NDST4: variants seen among roughly 807,000 people sequenced by gnomAD.
NDST4 encodes the protein N-heparan sulfate sulfotransferase 4.
Under a neutral mutation model 100.8 loss-of-function variants are expected in NDST4, and 63 were observed. The observed-to-expected ratio is 0.62, with a 90% CI of 0.51 to 0.77. The LOEUF (loss-of-function observed/expected upper bound fraction) is 0.77, where lower values mean the gene tolerates loss of function less well. Among genes scored for constraint, NDST4 ranks in the 30% least tolerant of loss-of-function variants. The probability of loss-of-function intolerance (pLI) is 0.00; values close to 1 mark genes in which losing one functional copy is unlikely to be tolerated. For missense variants in NDST4, 943 were observed against 1,018.4 expected, an observed-to-expected ratio of 0.93 and a Z score of 1.01; for synonymous variants, 377 against 361.8, an observed-to-expected ratio of 1.04 and a Z score of -0.48.
At chr4:114,980,049 A>G (rs186837523) in intron 2 of NDST4, among the ~76,000 whole-genome samples, 10 of 152,314 alleles carry the variant, frequency 6.6e-5, no homozygotes, top group Admixed American at 2.6e-4. Context: ...GTGCTAAACC[A>G]TACAAATTCA....
At chr4:114,988,719 A>G (rs1330547569) in intron 2 of NDST4, among the ~76,000 whole-genome samples, 3 of 152,114 alleles carry the variant, frequency 2.0e-5, no homozygotes, top group Non-Finnish European at 4.4e-5. Flanking sequence ...ATATCAAATT[A>G]TGAGTCAGTT....
chr4:114,834,846 A>T (rs913290590), intron 11 of NDST4, among the ~76,000 whole-genome samples: 1 of 152,168 alleles, frequency 6.6e-6, no homozygotes, highest in African/African-American at 2.4e-5. Context: ...GGGAAGGTGT[A>T]TGTGTCCAGT....
chr4:114,916,434 G>T (rs71606731), intron 6 of NDST4, among the ~76,000 whole-genome samples: 87 of 151,716 alleles, frequency 5.7e-4, no homozygotes, highest in Non-Finnish European at 9.1e-4. Flanking sequence ...CAGCTTAGTA[G>T]CTCACTAGCT....
intron 7 of NDST4, among the ~76,000 whole-genome samples, chr4:114,859,435 T>C (rs1464285161): frequency 1.3e-5 from 2 of 152,150 alleles, no homozygotes; most frequent in Non-Finnish European, 2.9e-5. Context: ...GTTTATAGAA[T>C]CATGAGAAAA....
intron 6 of NDST4, among the ~76,000 whole-genome samples, chr4:114,924,863 A>C (rs1277975062): frequency 6.6e-6 from 1 of 152,166 alleles, no homozygotes; most frequent in Non-Finnish European, 1.5e-5. Context: ...AGCACAAAGA[A>C]AAGACAAGTA....
chr4:115,040,977 C>T (rs1281750280), intron 2 of NDST4, among the ~76,000 whole-genome samples: 4 of 151,986 alleles, frequency 2.6e-5, no homozygotes, highest in African/African-American at 9.7e-5. Context: ...GTAAAAAGAA[C>T]TACGTTTCTT....
intron 2 of NDST4, among the ~76,000 whole-genome samples, chr4:115,025,494 G>T (rs547409518): frequency 6.6e-6 from 1 of 152,202 alleles, no homozygotes; most frequent in East Asian, 1.9e-4. Context: ...TAAAATTGAG[G>T]AAGATTATTG....
At chr4:114,869,571 C>G (rs76341971) in intron 7 of NDST4, among the ~76,000 whole-genome samples, 2,020 of 152,046 alleles carry the variant, frequency 0.013, 46 homozygotes, top group African/African-American at 0.046. Context: ...ATCTATTTAC[C>G]TGTCTTTCTA....
At chr4:114,856,747 CA>C (rs1266428573) in intron 7 of NDST4, among the ~76,000 whole-genome samples, 1 of 152,122 alleles carries the variant, frequency 6.6e-6, no homozygotes, top group Non-Finnish European at 1.5e-5. Flanking sequence ...TTGGACCTGA[CA>C]AATAAGTGGA....
intron 2 of NDST4, among the ~76,000 whole-genome samples, chr4:114,982,991 C>G (rs1000513423): frequency 6.6e-6 from 1 of 152,142 alleles, no homozygotes; most frequent in African/African-American, 2.4e-5. Flanking sequence ...TTGGTGGCTT[C>G]CATGTGGTGT....
At chr4:114,854,787 T>A (rs1369861071) in intron 7 of NDST4, among the ~76,000 whole-genome samples, 1 of 152,214 alleles carries the variant, frequency 6.6e-6, no homozygotes, top group African/African-American at 2.4e-5. Flanking sequence ...AGAATATTTT[T>A]AATATTCATG....
chr4:115,018,525 G>A (rs1295248386), intron 2 of NDST4, among the ~76,000 whole-genome samples: 1 of 151,732 alleles, frequency 6.6e-6, no homozygotes, highest in Non-Finnish European at 1.5e-5. Context: ...AAAAATGATG[G>A]AAATCAATTA....
At chr4:115,073,031 C>T (rs1165976536) in intron 2 of NDST4, among the ~76,000 whole-genome samples, 3 of 151,904 alleles carry the variant, frequency 2.0e-5, no homozygotes, top group Non-Finnish European at 2.9e-5. Context: ...ATAAACATTT[C>T]TCAAAAGAAA....
At chr4:114,926,811 T>C (rs1725395718) in intron 6 of NDST4, among the ~76,000 whole-genome samples, 1 of 152,154 alleles carries the variant, frequency 6.6e-6, no homozygotes, top group Admixed American at 6.5e-5. Context: ...GTTTCCTTCC[T>C]TTAGGCAGAT....
chr4:114,946,961 G>A (rs1343446857), intron 4 of NDST4, among the ~76,000 whole-genome samples: 1 of 151,812 alleles, frequency 6.6e-6, no homozygotes, highest in Non-Finnish European at 1.5e-5. Context: ...GTATGTGAAA[G>A]GTTTTTTTTT....
chr4:115,080,524 A>C (rs1729279037), intron 1 of NDST4, among the ~76,000 whole-genome samples: 1 of 152,200 alleles, frequency 6.6e-6, no homozygotes, highest in African/African-American at 2.4e-5. Context: ...ATTGCATTTT[A>C]CTAAAAAGAA....
chr4:114,870,168 A>G (rs147220120), intron 7 of NDST4, among the ~76,000 whole-genome samples: 38 of 152,268 alleles, frequency 2.5e-4, no homozygotes, highest in African/African-American at 8.9e-4. Flanking sequence ...ATCCAGGCTA[A>G]GTGGCCCCAC....
At chr4:115,112,212 A>C (rs935824448) in intron 1 of NDST4, among the ~76,000 whole-genome samples, 10 of 151,810 alleles carry the variant, frequency 6.6e-5, no homozygotes, top group African/African-American at 2.4e-4. Flanking sequence ...AAAAAAAAAA[A>C]AAACCTTTAC....
chr4:115,012,911 T>A (rs1185466277), intron 2 of NDST4, among the ~76,000 whole-genome samples: 4 of 151,884 alleles, frequency 2.6e-5, no homozygotes, highest in African/African-American at 9.7e-5. Context: ...ACAAAAGGGA[T>A]GAAACTGAAG....
Sources: gnomAD v4.1 joint callset for allele counts (sites outside exome capture counted in the v4.1 genomes callset) on GRCh38, gnomAD v4.1.1 for gene constraint, MANE v1.5 for transcripts, NCBI Gene and HGNC (gene_info 2026-07-23, HGNC 2026-07-21) for gene names.